RAD9B: variants seen among roughly 807,000 people sequenced by gnomAD.
RAD9B encodes RAD9 checkpoint clamp component B, also known as cell cycle checkpoint control protein RAD9B.
A neutral mutation model predicts 48.3 loss-of-function variants in RAD9B; 41 were observed. The observed-to-expected ratio is 0.85, with a 90% CI of 0.66 to 1.10. The LOEUF is 1.10. Ranked by LOEUF, RAD9B falls within the 50% of genes least tolerant of loss-of-function variation. RAD9B has a pLI of 0.00. For synonymous variants in RAD9B, 160 were observed against 157.9 expected (o/e 1.01, Z -0.10); for missense variants, 444 against 485.1 (o/e 0.92, Z 0.80).
rs1315601768 is a variant in RAD9B at position 110,532,843 on chromosome 12, A to C, written c.*2190A>C. On this transcript the variant is annotated 3_prime_UTR_variant, in exon 11 of 11. Coordinates refer to ENST00000409300, the MANE Select transcript of RAD9B (RefSeq NM_001286535.2). ...GTCGCCTAGGAGCAACAGGCTATTC[A>C]TATAGCCCAGATGTGTAGTAGGCTA... 6.6e-6 allele frequency among the ~76,000 whole-genome samples: 1 copy of C among 152,214 alleles called. No homozygotes were observed. Among genetic ancestry groups the C allele is most frequent in the African/African-American group, 2.4e-5 (1 of 41,450 alleles).
intron 10 of RAD9B, 35 bp from the exon 11 acceptor site, chr12:110,530,490 T>C (rs372932544): frequency 6.2e-7 from 1 of 1,609,368 alleles, no homozygotes; most frequent in African/African-American, 1.3e-5. Flanking sequence ...ACTTTCTCTT[T>C]GGAATCAACA....
At chr12:110,513,132 A>G (rs540585430) in intron 5 of RAD9B, among the ~76,000 whole-genome samples, 2 of 151,780 alleles carry the variant, frequency 1.3e-5, no homozygotes, top group Non-Finnish European at 2.9e-5. Context: ...CTCCTGGCTA[A>G]TTTTTTTGTA....
At chr12:110,525,837 C>A (rs1384842684) in intron 10 of RAD9B, among the ~76,000 whole-genome samples, 1 of 152,150 alleles carries the variant, frequency 6.6e-6, no homozygotes, top group African/African-American at 2.4e-5. Context: ...ATTACAGGCG[C>A]CTGTCACCAC....
At chr12:110,511,781 A>G (rs985069257) in intron 4 of RAD9B, among the ~76,000 whole-genome samples, 2 of 152,214 alleles carry the variant, frequency 1.3e-5, no homozygotes, top group African/African-American at 2.4e-5. Context: ...GGACACCCCA[A>G]ATATCCTGGC....
At position 110,530,827 on chromosome 12, in the gene RAD9B, G is replaced by T; in HGVS notation, c.*174G>T. On this transcript the variant is annotated 3_prime_UTR_variant, in exon 11 of 11. Transcript: ENST00000409300. The stretch of plus-strand genomic sequence containing the variant: ...CAACCATATCTAGAAATAGCTGTTT[G>T]TCAAGTGTATGTAACTTGCTTTAAA... 2.2e-6 allele frequency: 3 copies of T among 1,394,448 alleles called. No homozygotes were observed. The highest frequency in any genetic ancestry group is 3.4e-5 in the South Asian group (2 of 59,530). 86.4% of individuals were successfully genotyped at this position (1,394,448 alleles called of 1,614,324 possible). A position where few individuals can be genotyped will look rare whatever the true frequency, so the allele number is the denominator to read the frequency against.
At chr12:110,506,554 C>T (rs1381445218) in intron 3 of RAD9B, 25 bp from the exon 4 acceptor site, 1 of 1,072,594 alleles carries the variant, frequency 9.3e-7, no homozygotes, top group Non-Finnish European at 1.5e-6. Flanking sequence ...TAAGTATGTG[C>T]TTAATATGTA....
rs2063715988 is a variant in RAD9B at position 110,519,672 on chromosome 12, A to G, written c.768-122A>G. The G allele has an allele frequency of 1.7e-5, 18 of 1,067,524 alleles. No homozygotes were observed. The South Asian group carries it at 3.1e-4, about 18-fold the overall frequency. 66.1% of individuals were successfully genotyped at this position (1,067,524 alleles called of 1,614,324 possible). A position where few individuals can be genotyped will look rare whatever the true frequency, so the allele number is the denominator to read the frequency against. The stretch of plus-strand genomic sequence containing the variant: ...GCTGGTCTCAAACTCGCAACCTCAG[A>G]TGATCCACCCGCCTTGGCCTCCCCT... On this transcript the variant is annotated intron_variant, in intron 8 of 10. Transcript: ENST00000409300.
intron 10 of RAD9B, among the ~76,000 whole-genome samples, chr12:110,523,919 G>A (rs962250931): frequency 1.3e-5 from 2 of 152,276 alleles, no homozygotes; most frequent in African/African-American, 4.8e-5. Context: ...TACATTATGG[G>A]TAAATGATGT....
intron 6 of RAD9B, among the ~76,000 whole-genome samples, chr12:110,516,587 G>T (rs191734218): frequency 1.3e-5 from 2 of 151,622 alleles, no homozygotes; most frequent in Admixed American, 6.6e-5. Flanking sequence ...TGAGGCAGGC[G>T]GATCATGAGG....
At chr12:110,520,628 C>CTTTTTTTTTTTTTTTTTTTTTTTTTTTTT (rs71083129) in intron 9 of RAD9B, among the ~76,000 whole-genome samples, 40 of 99,958 alleles carry the variant, frequency 4.0e-4, no homozygotes, top group Non-Finnish European at 4.8e-4. Flanking sequence ...TTCTTGCTTT[C>CTTTTTTTTTTTTTTTTTTTTTTTTTTTTT]TTTTTTTTTT....
intron 3 of RAD9B, among the ~76,000 whole-genome samples, chr12:110,506,166 G>T (rs147444626): frequency 1.3e-5 from 2 of 151,266 alleles, no homozygotes; most frequent in African/African-American, 4.9e-5. Flanking sequence ...GATTACAGGC[G>T]TGAGCCAGTG....
At chr12:110,513,601 A>G (rs1200312442) in intron 5 of RAD9B, among the ~76,000 whole-genome samples, 2 of 151,670 alleles carry the variant, frequency 1.3e-5, no homozygotes, top group African/African-American at 4.8e-5. Flanking sequence ...CTGTTATTTG[A>G]AAGTGCATCC....
Position 110,522,352 on chromosome 12 carries a change from G to C in RAD9B, c.1066G>C (p.Val356Leu). 2.5e-6 allele frequency: 4 copies of C among 1,613,596 alleles called. No homozygotes were observed. Among genetic ancestry groups the C allele is most frequent in the Non-Finnish European group, 3.4e-6 (4 of 1,179,762 alleles). ...MKRVDGDVSE[V>L]SESSVSNTEE... is the part of the protein sequence containing the mutation. ...AAGAGTGGATGGAGATGTCAGTGAA[G>C]TATCAGAAAGCAGTGTCAGCAACAC... Residue 356 changes from valine (V) to leucine (L), a missense_variant, in exon 10 of 11, where the codon GTA becomes CTA. Transcript: ENST00000409300.
chr12:110,527,758 A>G (rs922617265), intron 10 of RAD9B, among the ~76,000 whole-genome samples: 3 of 152,242 alleles, frequency 2.0e-5, no homozygotes, highest in African/African-American at 7.2e-5. Flanking sequence ...GTTTAGTTCA[A>G]TAAAGGAGAA....
At chr12:110,521,077 C>T (rs1349459716) in intron 9 of RAD9B, among the ~76,000 whole-genome samples, 1 of 152,188 alleles carries the variant, frequency 6.6e-6, no homozygotes, top group Non-Finnish European at 1.5e-5. Flanking sequence ...AATTGCATCA[C>T]CCAGAGATAG....
chr12:110,507,635 T>C (rs2063338691), intron 4 of RAD9B, among the ~76,000 whole-genome samples: 1 of 147,282 alleles, frequency 6.8e-6, no homozygotes. Context: ...ATATACATAA[T>C]GTATAACATA....
intron 10 of RAD9B, among the ~76,000 whole-genome samples, chr12:110,527,433 C>T (rs1490347379): frequency 1.3e-5 from 2 of 152,184 alleles, no homozygotes; most frequent in African/African-American, 4.8e-5. Context: ...AACCATTTTC[C>T]TGCCTGCCAC....
chr12:110,525,455 A>G (rs2063907551), intron 10 of RAD9B, among the ~76,000 whole-genome samples: 1 of 152,094 alleles, frequency 6.6e-6, no homozygotes, highest in South Asian at 2.1e-4. Flanking sequence ...ACATTTTAGT[A>G]GAATGTCCTA....
In RAD9B at chr12:110,522,698, T is replaced by C. The variant is rs530528411; in HGVS notation, c.1125+287T>C. Among the ~76,000 whole-genome samples, 80 of 152,368 alleles carry C rather than the reference T, an allele frequency of 5.3e-4. No individual in the cohort carries two copies. In the South Asian group the frequency reaches 0.016, roughly 30 times the overall value. Reference sequence around the variant, plus strand: ...GTCACTTGTTTCCAAGAATAAATTATGATTTTTTTATGGTATATTCTATCT... The same window carrying C: ...GTCACTTGTTTCCAAGAATAAATTACGATTTTTTTATGGTATATTCTATCT... On this transcript the variant is annotated intron_variant, in intron 10 of 10. Coordinates refer to ENST00000409300, the MANE Select transcript of RAD9B (RefSeq NM_001286535.2).
Sources: gnomAD v4.1 joint callset for allele counts (sites outside exome capture counted in the v4.1 genomes callset) on GRCh38, gnomAD v4.1.1 for gene constraint, MANE v1.5 for transcripts, NCBI Gene and HGNC (gene_info 2026-07-23, HGNC 2026-07-21) for gene names.